Variants in NKAIN2 observed in about 807,000 individuals in gnomAD.
The protein encoded by NKAIN2 is sodium/potassium-transporting ATPase subunit beta-1-interacting protein 2.
Under a neutral mutation model 32.6 loss-of-function variants are expected in NKAIN2, and 14 were observed. The ratio of observed to expected loss-of-function variants is 0.43; its 90% confidence interval spans 0.28 to 0.67. The LOEUF is 0.67. NKAIN2 is among the 30% of genes least tolerant of loss of function. NKAIN2 has a pLI of 0.17. For missense variants in NKAIN2, 198 were observed against 258.3 expected, an observed-to-expected ratio of 0.77 and a Z score of 1.60; for synonymous variants, 80 against 87.2, an observed-to-expected ratio of 0.92 and a Z score of 0.46.
intron 1 of NKAIN2, among the ~76,000 whole-genome samples, chr6:123,954,281 T>A (rs2114593150): frequency 6.6e-6 from 1 of 152,342 alleles, no homozygotes; most frequent in African/African-American, 2.4e-5. Flanking sequence ...GAGCTCCCTC[T>A]CTGGAGCAGT....
chr6:124,787,710 G>T (rs767649816), intron 4 of NKAIN2, among the ~76,000 whole-genome samples: 1 of 152,042 alleles, frequency 6.6e-6, no homozygotes, highest in Non-Finnish European at 1.5e-5. Context: ...TACTTTTGTA[G>T]GGGGTGCTCC....
intron 1 of NKAIN2, among the ~76,000 whole-genome samples, chr6:124,112,950 C>T (rs968604543): frequency 6.6e-6 from 1 of 150,388 alleles, no homozygotes; most frequent in Admixed American, 6.6e-5. Context: ...GAAATTCTTA[C>T]TTTCATTGGG....
intron 4 of NKAIN2, among the ~76,000 whole-genome samples, chr6:124,709,398 A>G (rs1775302550): frequency 6.6e-6 from 1 of 151,228 alleles, no homozygotes. Flanking sequence ...TGATTGGAAT[A>G]GTTTCAGAAG....
chr6:124,687,431 A>ATGTATGGAATATATATATT (rs1562324685), intron 4 of NKAIN2, among the ~76,000 whole-genome samples: 3 of 4,372 alleles, frequency 6.9e-4, no homozygotes, highest in African/African-American at 1.5e-3. Flanking sequence ...TTCCATGTAT[A>ATGTATGGAATATATATATT]CCATATACAT....
intron 1 of NKAIN2, among the ~76,000 whole-genome samples, chr6:123,902,423 A>T (rs896527695): frequency 6.6e-6 from 1 of 152,170 alleles, no homozygotes; most frequent in African/African-American, 2.4e-5. Context: ...TCCTACATCT[A>T]GTGTGATGTT....
At chr6:123,988,029 C>G (rs1779223455) in intron 1 of NKAIN2, among the ~76,000 whole-genome samples, 1 of 152,108 alleles carries the variant, frequency 6.6e-6, no homozygotes, top group African/African-American at 2.4e-5. Flanking sequence ...GATTTTAAAG[C>G]AAGGAATGAG....
chr6:124,682,526 C>T (rs1239937607), intron 4 of NKAIN2, among the ~76,000 whole-genome samples: 1 of 152,052 alleles, frequency 6.6e-6, no homozygotes, highest in East Asian at 1.9e-4. Flanking sequence ...GAACTCACAA[C>T]CACAGGATAT....
chr6:124,811,549 T>C (rs1780905144), intron 5 of NKAIN2, among the ~76,000 whole-genome samples: 1 of 152,184 alleles, frequency 6.6e-6, no homozygotes, highest in Non-Finnish European at 1.5e-5. Flanking sequence ...ATCATTAATG[T>C]TACTAAATCA....
chr6:124,430,811 G>A (rs1009083867), intron 3 of NKAIN2, among the ~76,000 whole-genome samples: 1 of 152,068 alleles, frequency 6.6e-6, no homozygotes, highest in African/African-American at 2.4e-5. Flanking sequence ...CCTCTCAATG[G>A]GTGGACCTTT....
intron 3 of NKAIN2, among the ~76,000 whole-genome samples, chr6:124,508,292 C>A (rs1164230207): frequency 6.6e-6 from 1 of 151,950 alleles, no homozygotes; most frequent in South Asian, 2.1e-4. Context: ...AAACAAAAAA[C>A]CCACTCAATT....
intron 2 of NKAIN2, among the ~76,000 whole-genome samples, chr6:124,284,895 G>T (rs1795467030): frequency 6.9e-6 from 1 of 145,110 alleles, no homozygotes; most frequent in African/African-American, 2.8e-5. Context: ...TTTATCCTAA[G>T]ATGCTACAAT....
At chr6:124,589,990 C>T (rs560911863) in intron 3 of NKAIN2, among the ~76,000 whole-genome samples, 50 of 152,262 alleles carry the variant, frequency 3.3e-4, no homozygotes, top group African/African-American at 1.2e-3. Flanking sequence ...AATTCTTTTG[C>T]TGTTGGGTCC....
chr6:124,425,542 C>T (rs1372454530), intron 3 of NKAIN2, among the ~76,000 whole-genome samples: 1 of 150,516 alleles, frequency 6.6e-6, no homozygotes, highest in Non-Finnish European at 1.5e-5. Context: ...TTTGCAAACT[C>T]TATATCTGAT....
chr6:124,344,883 G>A (rs1798326169), intron 2 of NKAIN2, among the ~76,000 whole-genome samples: 1 of 152,132 alleles, frequency 6.6e-6, no homozygotes, highest in African/African-American at 2.4e-5. Context: ...AATAGGAGTG[G>A]TGAGAGAGGA....
chr6:124,637,448 T>C (rs1562297921), intron 3 of NKAIN2, among the ~76,000 whole-genome samples: 1 of 152,066 alleles, frequency 6.6e-6, no homozygotes, highest in African/African-American at 2.4e-5. Flanking sequence ...AGTCAAATTG[T>C]CCCTCTTTGC....
chr6:124,438,968 A>G (rs778283999), intron 3 of NKAIN2, among the ~76,000 whole-genome samples: 1 of 152,098 alleles, frequency 6.6e-6, no homozygotes, highest in Non-Finnish European at 1.5e-5. Flanking sequence ...CACACTATCC[A>G]ATGTGATCTC....
At chr6:123,924,096 A>G (rs186131462) in intron 1 of NKAIN2, among the ~76,000 whole-genome samples, 1 of 152,270 alleles carries the variant, frequency 6.6e-6, no homozygotes, top group Admixed American at 6.5e-5. Context: ...AGTTTTAGAA[A>G]TTTAAAATTT....
intron 3 of NKAIN2, among the ~76,000 whole-genome samples, chr6:124,421,086 A>AC (rs1379730247): frequency 2.6e-5 from 4 of 151,518 alleles, no homozygotes; most frequent in Non-Finnish European, 5.9e-5. Flanking sequence ...AAAAAAAAAA[A>AC]AAAAAAAACA....
chr6:124,174,582 A>C (rs1188203085), intron 1 of NKAIN2, among the ~76,000 whole-genome samples: 1 of 152,076 alleles, frequency 6.6e-6, no homozygotes, highest in African/African-American at 2.4e-5. Flanking sequence ...ACCCTGTCCA[A>C]CTCCACCCTT....
Sources: allele counts gnomAD v4.1 joint callset (sites outside exome capture counted in the v4.1 genomes callset), GRCh38; gene constraint gnomAD v4.1.1; transcripts MANE v1.5; gene names NCBI Gene and HGNC (gene_info 2026-07-23, HGNC 2026-07-21).